The following CDK19 variants were observed in gnomAD, a reference collection of about 807,000 sequenced individuals.
The protein encoded by CDK19 is cyclin dependent kinase 19.
In CDK19, 20 loss-of-function variants were observed where a neutral mutation model predicts 68.3. The ratio of observed to expected loss-of-function variants is 0.29; its 90% CI spans 0.21 to 0.43. The LOEUF is 0.43. Among genes scored for constraint, CDK19 ranks in the 20% least tolerant of loss-of-function variants. The pLI, the probability that CDK19 is intolerant of heterozygous loss-of-function variation, is 1.00. For synonymous variants in CDK19, 221 were observed against 222.8 expected, an observed-to-expected ratio of 0.99 and a Z score of 0.07; for missense variants, 339 against 623.5, an observed-to-expected ratio of 0.54 and a Z score of 4.86.
intron 1 of CDK19, among the ~76,000 whole-genome samples, chr6:110,811,182 T>C (rs1216642020): frequency 6.6e-6 from 1 of 152,226 alleles, no homozygotes; most frequent in Non-Finnish European, 1.5e-5. Context: ...ATCTTTAATC[T>C]TCTGTAAGTG....
intron 2 of CDK19, among the ~76,000 whole-genome samples, chr6:110,673,473 T>C (rs753178870): frequency 2.6e-4 from 39 of 152,038 alleles, no homozygotes; most frequent in Non-Finnish European, 3.4e-4. Context: ...AGAAGTGAAA[T>C]TGCTAGATCC....
chr6:110,643,678 T>C (rs1347061548), intron 4 of CDK19, among the ~76,000 whole-genome samples: 1 of 152,142 alleles, frequency 6.6e-6, no homozygotes, highest in Admixed American at 6.5e-5. Flanking sequence ...AGACATGGCA[T>C]GTTGAGAGTT....
intron 1 of CDK19, among the ~76,000 whole-genome samples, chr6:110,747,503 A>G (rs920723919): frequency 8.5e-5 from 13 of 152,228 alleles, no homozygotes; most frequent in Non-Finnish European, 1.5e-5. Flanking sequence ...AATATTTACC[A>G]TATACTACTG....
chr6:110,815,831 G>A (rs919926292), upstream of CDK19: 12 of 152,618 alleles, frequency 7.9e-5, no homozygotes, highest in Middle Eastern at 3.4e-3. Flanking sequence ...TGGCTGCAGT[G>A]ACTCGGGAGG....
At chr6:110,787,930 C>T (rs1272416502) in intron 1 of CDK19, among the ~76,000 whole-genome samples, 2 of 152,052 alleles carry the variant, frequency 1.3e-5, no homozygotes, top group Non-Finnish European at 2.9e-5. Context: ...ACTTCTGCCT[C>T]CCGGGTTCAA....
intron 1 of CDK19, among the ~76,000 whole-genome samples, chr6:110,772,659 A>G (rs533982222): frequency 1.3e-5 from 2 of 152,208 alleles, no homozygotes; most frequent in Non-Finnish European, 2.9e-5. Flanking sequence ...CAAAACTGCC[A>G]AGGCAGGAGG....
intron 4 of CDK19, among the ~76,000 whole-genome samples, chr6:110,645,053 C>G (rs1371466206): frequency 6.6e-6 from 1 of 152,044 alleles, no homozygotes; most frequent in African/African-American, 2.4e-5. Context: ...ATATGTCAAA[C>G]AGACAAAAGA....
chr6:110,765,594 T>C (rs1042892002), intron 1 of CDK19, among the ~76,000 whole-genome samples: 4 of 150,826 alleles, frequency 2.7e-5, no homozygotes, highest in Non-Finnish European at 5.9e-5. Context: ...GGCAGGAGAA[T>C]TGCTTGAACC....
At chr6:110,632,001 AG>A in intron 6 of CDK19, 28 bp downstream of exon 6, 1 of 1,577,866 alleles carries the variant, frequency 6.3e-7, no homozygotes, top group Non-Finnish European at 8.6e-7. Flanking sequence ...TTAGATGACA[AG>A]ATAGTAAATC....
rs192016119 is a variant in CDK19 at position 110,718,322 on chromosome 6, A to C, written c.204+27804T>G. 8.5e-5 allele frequency among the ~76,000 whole-genome samples: 13 copies of C among 152,246 alleles called. No homozygotes were observed. The East Asian group carries it at 2.1e-3, about 25-fold the overall frequency. On this transcript the variant is annotated intron_variant, in intron 2 of 12. Coordinates refer to ENST00000368911, the MANE Select transcript of CDK19 (RefSeq NM_015076.5). ...AACCGCCACTCAAAAACAGATGACG[A>C]CGCCTTAGGTGTATATATTCGAGGT...
intron 2 of CDK19, among the ~76,000 whole-genome samples, chr6:110,735,828 C>T (rs1289100701): frequency 6.6e-6 from 1 of 152,158 alleles, no homozygotes; most frequent in Non-Finnish European, 1.5e-5. Context: ...CTCCTGGTAA[C>T]TCAGAAGATT....
chr6:110,651,560 C>G (rs1326311798), intron 4 of CDK19, among the ~76,000 whole-genome samples: 1 of 151,936 alleles, frequency 6.6e-6, no homozygotes, highest in African/African-American at 2.4e-5. Flanking sequence ...TGGTGAAAAC[C>G]CCATCTCTAA....
intron 2 of CDK19, among the ~76,000 whole-genome samples, chr6:110,722,716 A>C (rs957491716): frequency 1.3e-5 from 2 of 152,018 alleles, no homozygotes; most frequent in African/African-American, 4.8e-5. Context: ...CCTTACAAAA[A>C]TTAGCTAGGC....
chr6:110,731,817 T>C (rs1363576496), intron 2 of CDK19, among the ~76,000 whole-genome samples: 3 of 152,298 alleles, frequency 2.0e-5, no homozygotes, highest in East Asian at 1.9e-4. Flanking sequence ...CAATGTTCAA[T>C]AGTTGTATTT....
At chr6:110,790,151 G>C (rs150661587) in intron 1 of CDK19, among the ~76,000 whole-genome samples, 1,567 of 152,302 alleles carry the variant, frequency 0.01, 5 homozygotes, top group Non-Finnish European at 0.016. Flanking sequence ...ATTTGAACCA[G>C]ATAAGATTCC....
rs60451345 is a variant in CDK19, at chr6:110,641,646, A to AAAGAAAGAAAGGAAGG, written c.457-2941_457-2940insCCTTCCTTTCTTTCTT. On this transcript the variant is annotated intron_variant, in intron 4 of 12. Transcript: ENST00000368911. ...GGAGAGGAAAGGAGGAAAGGGAAAG[A>AAAGAAAGAAAGGAAGG]AAGGAAGGAAGGAAGGAAGGAAGGA... is the stretch of plus-strand genomic sequence containing the variant. Among the ~76,000 whole-genome samples the AAAGAAAGAAAGGAAGG allele has an allele frequency of 6.1e-4, 80 of 131,462 alleles. 1 individual carries two copies. The highest frequency in any genetic ancestry group is 2.3e-3 in the African/African-American group (76 of 33,254). 86.2% of individuals were successfully genotyped at this position (131,462 alleles called of 152,430 possible).
chr6:110,622,262 A>C, intron 10 of CDK19, 96 bp from the exon 11 acceptor site: 1 of 848,066 alleles, frequency 1.2e-6, no homozygotes, highest in Non-Finnish European at 1.9e-6. Flanking sequence ...TTCTTCACTT[A>C]TTTCCTACTC....
chr6:110,694,178 C>G (rs572346146), intron 2 of CDK19, among the ~76,000 whole-genome samples: 8 of 151,916 alleles, frequency 5.3e-5, no homozygotes, highest in African/African-American at 1.9e-4. Context: ...CTGAAATGCT[C>G]CACTTGAAAG....
chr6:110,749,596 G>C (rs1778323616), intron 1 of CDK19, among the ~76,000 whole-genome samples: 1 of 152,014 alleles, frequency 6.6e-6, no homozygotes, highest in Non-Finnish European at 1.5e-5. Context: ...CTGAACTCAA[G>C]TGATCCGCCC....
Sources: gnomAD v4.1 joint callset for allele counts (sites outside exome capture counted in the v4.1 genomes callset) on GRCh38, gnomAD v4.1.1 for gene constraint, MANE v1.5 for transcripts, NCBI Gene and HGNC (gene_info 2026-07-23, HGNC 2026-07-21) for gene names.